Variants in RARB observed in about 807,000 individuals in gnomAD.
RARB encodes HBV-activated protein.
Under a neutral mutation model 51.9 loss-of-function variants are expected in RARB, and 17 were observed. The ratio of observed to expected loss-of-function variants is 0.33; its 90% CI spans 0.22 to 0.49. The LOEUF (loss-of-function observed/expected upper bound fraction) is 0.49. RARB is among the 20% of genes least tolerant of loss of function. The probability of loss-of-function intolerance (pLI) is 0.99; values close to 1 mark genes in which losing one functional copy is unlikely to be tolerated. For synonymous variants in RARB, 215 were observed against 195.4 expected, an observed-to-expected ratio of 1.10 and a Z score of -0.84; for missense variants, 369 against 550.8, an observed-to-expected ratio of 0.67 and a Z score of 3.30.
chr3:24,930,973 G>T (rs376786511), intron 2 of RARB, among the ~76,000 whole-genome samples: 2 of 152,044 alleles, frequency 1.3e-5, no homozygotes, highest in Non-Finnish European at 2.9e-5. Flanking sequence ...TTATTGTGCC[G>T]TTGCACTCCA....
At chr3:25,281,497 T>A (rs1220513251) in intron 5 of RARB, among the ~76,000 whole-genome samples, 1 of 152,234 alleles carries the variant, frequency 6.6e-6, no homozygotes, top group Non-Finnish European at 1.5e-5. Context: ...GGTGAACCAC[T>A]TAACCTGTGC....
At chr3:25,094,913 T>C (rs912915940) in intron 3 of RARB, among the ~76,000 whole-genome samples, 18 of 152,038 alleles carry the variant, frequency 1.2e-4, no homozygotes, top group African/African-American at 4.3e-4. Context: ...CATTTCACTT[T>C]CGTTTGATGT....
At chr3:25,250,485 G>T (rs1243883963) in intron 5 of RARB, among the ~76,000 whole-genome samples, 3 of 152,166 alleles carry the variant, frequency 2.0e-5, no homozygotes, top group Admixed American at 6.5e-5. Flanking sequence ...ATTGGTCTCA[G>T]TTGGTGGCTT....
chr3:25,047,224 T>G (rs1369932380), intron 2 of RARB, among the ~76,000 whole-genome samples: 1 of 152,202 alleles, frequency 6.6e-6, no homozygotes, highest in Admixed American at 6.5e-5. Flanking sequence ...ATAATAAAAC[T>G]ATTTTGTGCC....
rs145940061 is a variant in RARB at position 25,242,465 on chromosome 3, C to G, written c.178+67890C>G. Among the ~76,000 whole-genome samples the G allele has an allele frequency of 2.3e-3, 354 of 152,236 alleles. 1 individual carries two copies. The highest frequency in any genetic ancestry group is 7.7e-3 in the African/African-American group (320 of 41,536). Reference sequence around the variant, plus strand: ...TCTTGTGTTTAAATCTTTAATCCATCTTGAGTTAATCTTTGTATAAGGTGA... The same window carrying G: ...TCTTGTGTTTAAATCTTTAATCCATGTTGAGTTAATCTTTGTATAAGGTGA... On this transcript the variant is annotated intron_variant, in intron 5 of 11. Transcript: ENST00000383772.
chr3:25,266,123 A>G (rs1297611385), intron 5 of RARB, among the ~76,000 whole-genome samples: 1 of 152,190 alleles, frequency 6.6e-6, no homozygotes, highest in East Asian at 1.9e-4. Flanking sequence ...AACTGTATCT[A>G]CAACCTAATA....
chr3:25,272,456 T>G (rs1446928307), intron 5 of RARB, among the ~76,000 whole-genome samples: 1 of 152,206 alleles, frequency 6.6e-6, no homozygotes, highest in Non-Finnish European at 1.5e-5. Flanking sequence ...CCGGACATGG[T>G]AGTCATCTGA....
intron 5 of RARB, among the ~76,000 whole-genome samples, chr3:25,592,201 T>G (rs1701638856): frequency 6.6e-6 from 1 of 152,212 alleles, no homozygotes; most frequent in African/African-American, 2.4e-5. Flanking sequence ...CATGGCTGTG[T>G]AACAGGAATA....
intron 4 of RARB, among the ~76,000 whole-genome samples, chr3:25,571,445 G>A (rs375711880): frequency 2.0e-5 from 3 of 152,316 alleles, no homozygotes; most frequent in South Asian, 2.1e-4. Context: ...GGTCCACCTC[G>A]CCCATTGGTG....
At chr3:25,362,829 G>A (rs986612719) in intron 5 of RARB, among the ~76,000 whole-genome samples, 6 of 152,156 alleles carry the variant, frequency 3.9e-5, no homozygotes, top group African/African-American at 9.7e-5. Flanking sequence ...CCAGTGAGAT[G>A]AACCAGGTAC....
intron 2 of RARB, among the ~76,000 whole-genome samples, chr3:24,908,926 G>A (rs936878178): frequency 2.8e-4 from 43 of 151,804 alleles, no homozygotes; most frequent in African/African-American, 8.0e-4. Flanking sequence ...TCAACTCCCC[G>A]TAATGGCTAA....
intron 2 of RARB, among the ~76,000 whole-genome samples, chr3:24,984,533 G>C (rs544943722): frequency 4.4e-4 from 67 of 152,194 alleles, no homozygotes; most frequent in African/African-American, 1.5e-3. Context: ...TCACTTATAT[G>C]TGGGATCTAA....
At chr3:25,112,925 C>A (rs1193034189) in intron 3 of RARB, among the ~76,000 whole-genome samples, 1 of 152,114 alleles carries the variant, frequency 6.6e-6, no homozygotes, top group Non-Finnish European at 1.5e-5. Flanking sequence ...TAGCTACAAC[C>A]TTAAATTTTT....
chr3:24,896,910 T>G (rs961957054), intron 2 of RARB, among the ~76,000 whole-genome samples: 5 of 152,208 alleles, frequency 3.3e-5, no homozygotes, highest in African/African-American at 1.2e-4. Context: ...ACATTAAACT[T>G]GCCCAGAAGT....
chr3:25,006,983 T>C (rs1697286038), intron 2 of RARB, among the ~76,000 whole-genome samples: 1 of 152,144 alleles, frequency 6.6e-6, no homozygotes, highest in South Asian at 2.1e-4. Context: ...GTCCTTTTGG[T>C]TTTCAGTCCT....
At chr3:25,385,345 G>C (rs1214129072) in intron 5 of RARB, among the ~76,000 whole-genome samples, 4 of 152,232 alleles carry the variant, frequency 2.6e-5, no homozygotes, top group South Asian at 2.1e-4. Context: ...ATCCTTCAAG[G>C]GTTCAAGGGA....
At chr3:25,306,839 C>A (rs1476437391) in intron 5 of RARB, among the ~76,000 whole-genome samples, 1 of 152,170 alleles carries the variant, frequency 6.6e-6, no homozygotes, top group Non-Finnish European at 1.5e-5. Flanking sequence ...TTGAACATTT[C>A]TCTTACTTCA....
At chr3:25,586,719 C>A (rs1037746048) in intron 5 of RARB, among the ~76,000 whole-genome samples, 1 of 152,192 alleles carries the variant, frequency 6.6e-6, no homozygotes, top group Non-Finnish European at 1.5e-5. Flanking sequence ...GGAGACTGTG[C>A]AGCTGTATAG....
At chr3:25,467,613 G>A (rs77662519) in intron 2 of RARB, among the ~76,000 whole-genome samples, 5 of 148,584 alleles carry the variant, frequency 3.4e-5, no homozygotes, top group South Asian at 4.3e-4. Flanking sequence ...AACAAATTGC[G>A]TGACTAAGCT....
Sources: gnomAD v4.1 joint callset for allele counts (sites outside exome capture counted in the v4.1 genomes callset) on GRCh38, gnomAD v4.1.1 for gene constraint, MANE v1.5 for transcripts, NCBI Gene and HGNC (gene_info 2026-07-23, HGNC 2026-07-21) for gene names.